Variants in MYRIP observed in about 807,000 individuals in gnomAD.
The protein encoded by MYRIP is rab effector MyRIP.
A neutral mutation model predicts 98.0 loss-of-function variants in MYRIP; 49 were observed. That is an observed-to-expected ratio of 0.50 (90% CI 0.40 to 0.63). MYRIP has a LOEUF of 0.63. MYRIP is among the 30% of genes least tolerant of loss of function. The probability of loss-of-function intolerance (pLI) is 0.00; values close to 1 mark genes in which losing one functional copy is unlikely to be tolerated. For synonymous variants in MYRIP, 404 were observed against 409.5 expected, an observed-to-expected ratio of 0.99 and a Z score of 0.16; for missense variants, 1,004 against 1,058.2, an observed-to-expected ratio of 0.95 and a Z score of 0.71.
chr3:40,062,094 G>A (rs1948030500), intron 3 of MYRIP, among the ~76,000 whole-genome samples: 1 of 152,166 alleles, frequency 6.6e-6, no homozygotes, highest in Admixed American at 6.5e-5. Context: ...AAGCTCTTAA[G>A]TTGAATTAGA....
At chr3:39,857,926 T>C (rs1942353283) in intron 1 of MYRIP, among the ~76,000 whole-genome samples, 1 of 152,064 alleles carries the variant, frequency 6.6e-6, no homozygotes, top group Non-Finnish European at 1.5e-5. Context: ...AAGTATACCA[T>C]GACAAAAAGT....
chr3:40,146,775 A>G (rs1440842396), intron 3 of MYRIP, among the ~76,000 whole-genome samples: 2 of 152,102 alleles, frequency 1.3e-5, no homozygotes, highest in Non-Finnish European at 2.9e-5. Flanking sequence ...GCATGCACGT[A>G]TGCACACACA....
intron 3 of MYRIP, among the ~76,000 whole-genome samples, chr3:40,147,489 G>A (rs1021441461): frequency 3.9e-5 from 6 of 152,176 alleles, no homozygotes; most frequent in Non-Finnish European, 1.5e-5. Context: ...TGAAAATTAA[G>A]TAGTTTCTAA....
chr3:39,952,004 T>A (rs1423019459), intron 2 of MYRIP, among the ~76,000 whole-genome samples: 1 of 152,186 alleles, frequency 6.6e-6, no homozygotes, highest in Non-Finnish European at 1.5e-5. Context: ...CAATCAGATT[T>A]AGAATATTTT....
chr3:40,159,625 G>A (rs1232387893), intron 4 of MYRIP, among the ~76,000 whole-genome samples: 12 of 151,966 alleles, frequency 7.9e-5, no homozygotes, highest in Admixed American at 7.9e-4. Context: ...GTCACTTTCA[G>A]GTACACCAAT....
intron 3 of MYRIP, among the ~76,000 whole-genome samples, chr3:40,134,826 A>C (rs531774151): frequency 6.6e-6 from 1 of 152,154 alleles, no homozygotes; most frequent in South Asian, 2.1e-4. Context: ...GAGGGTCCTG[A>C]CTGTTAGAAG....
intron 11 of MYRIP, among the ~76,000 whole-genome samples, chr3:40,212,500 G>A (rs1394513170): frequency 6.6e-6 from 1 of 152,122 alleles, no homozygotes; most frequent in East Asian, 1.9e-4. Context: ...CAGGCGCAGT[G>A]GCTCATGCCC....
chr3:39,809,501 G>T (rs560349715), upstream of MYRIP: 2 of 147,640 alleles, frequency 1.4e-5, no homozygotes, highest in Admixed American at 6.7e-5. Flanking sequence ...CGCCCCTCCC[G>T]CCGGGCGCCC....
chr3:39,961,724 A>G (rs1167139936), intron 2 of MYRIP, among the ~76,000 whole-genome samples: 1 of 152,120 alleles, frequency 6.6e-6, no homozygotes, highest in Non-Finnish European at 1.5e-5. Flanking sequence ...TTTTAGTCCT[A>G]TTGCATTATT....
chr3:39,964,349 A>C (rs1217060156), intron 2 of MYRIP, among the ~76,000 whole-genome samples: 1 of 152,148 alleles, frequency 6.6e-6, no homozygotes, highest in African/African-American at 2.4e-5. Flanking sequence ...AAACCAAGAG[A>C]CAGTAAGATG....
intron 1 of MYRIP, among the ~76,000 whole-genome samples, chr3:39,896,824 T>C (rs965010003): frequency 6.6e-6 from 1 of 152,196 alleles, no homozygotes; most frequent in Non-Finnish European, 1.5e-5. Context: ...GAATCTTCCA[T>C]TATGTACTAA....
intron 3 of MYRIP, among the ~76,000 whole-genome samples, chr3:40,133,841 T>A (rs11716640): frequency 0.25 from 37,872 of 152,122 alleles, 4,957 homozygotes; most frequent in South Asian, 0.38. Context: ...CATCTATAAG[T>A]CATATAGATT....
At chr3:40,148,382 T>A (rs4359755) in intron 3 of MYRIP, among the ~76,000 whole-genome samples, 3 of 152,094 alleles carry the variant, frequency 2.0e-5, no homozygotes, top group South Asian at 4.1e-4. Flanking sequence ...TTTTTTCCCC[T>A]CTTTCATTTT....
chr3:40,151,888 A>G (rs1402250320), intron 4 of MYRIP, among the ~76,000 whole-genome samples: 1 of 152,188 alleles, frequency 6.6e-6, no homozygotes, highest in African/African-American at 2.4e-5. Context: ...TCCATGAGAA[A>G]CAAGGAAGAA....
intron 3 of MYRIP, among the ~76,000 whole-genome samples, chr3:40,063,652 A>C (rs1203601833): frequency 6.6e-6 from 1 of 152,198 alleles, no homozygotes; most frequent in East Asian, 1.9e-4. Flanking sequence ...ATATTTGCAT[A>C]GCTTACATGA....
At chr3:39,835,275 A>G (rs1452709970) in intron 1 of MYRIP, among the ~76,000 whole-genome samples, 1 of 152,112 alleles carries the variant, frequency 6.6e-6, no homozygotes, top group Non-Finnish European at 1.5e-5. Context: ...AATAATTTCT[A>G]ACTCCTGTTT....
At chr3:40,060,784 G>A (rs915207367) in intron 3 of MYRIP, among the ~76,000 whole-genome samples, 2 of 151,852 alleles carry the variant, frequency 1.3e-5, no homozygotes, top group African/African-American at 4.8e-5. Context: ...GTAGAGACGG[G>A]GTTTCATTAT....
intron 2 of MYRIP, among the ~76,000 whole-genome samples, chr3:40,004,695 A>G (rs9882406): frequency 0.1 from 15,336 of 152,018 alleles, 1,348 homozygotes; most frequent in African/African-American, 0.23. Flanking sequence ...GCATCCTCAT[A>G]GCTTAGCTCC....
chr3:40,009,862 T>C (rs1291105117), intron 2 of MYRIP, among the ~76,000 whole-genome samples: 1 of 152,262 alleles, frequency 6.6e-6, no homozygotes, highest in Non-Finnish European at 1.5e-5. Flanking sequence ...GTAGGCGTTA[T>C]TGGCCTCATA....
Sources: allele counts gnomAD v4.1 joint callset (sites outside exome capture counted in the v4.1 genomes callset), GRCh38; gene constraint gnomAD v4.1.1; transcripts MANE v1.5; gene names NCBI Gene and HGNC (gene_info 2026-07-23, HGNC 2026-07-21).